The following SYNE1 variants were observed in gnomAD, a reference collection of about 807,000 sequenced individuals.
SYNE1 encodes nesprin-1.
Under a neutral mutation model 1,111.0 loss-of-function variants are expected in SYNE1, and 616 were observed. The ratio of observed to expected loss-of-function variants is 0.55; its 90% CI spans 0.52 to 0.59. The LOEUF is 0.59. Among genes scored for constraint, SYNE1 ranks in the 20% least tolerant of loss-of-function variants. SYNE1 has a pLI of 0.00. For missense variants in SYNE1, 10,006 were observed against 10,417.0 expected, an observed-to-expected ratio of 0.96 and a Z score of 1.72; for synonymous variants, 3,855 against 3,825.8, an observed-to-expected ratio of 1.01 and a Z score of -0.28.
chr6:152,233,450 G>A (rs543003734), intron 112 of SYNE1, among the ~76,000 whole-genome samples: 1 of 151,710 alleles, frequency 6.6e-6, no homozygotes, highest in African/African-American at 2.4e-5. Flanking sequence ...TCAGCCTCCC[G>A]AGTAGCTGGG....
Position 152,383,807 on chromosome 6 carries a change from A to G in SYNE1, c.8652+1867T>C, listed in dbSNP as rs538021123. On this transcript the variant is annotated intron_variant, in intron 55 of 145. Coordinates refer to ENST00000367255, the MANE Select transcript of SYNE1 (RefSeq NM_182961.4). The stretch of plus-strand genomic sequence containing the variant: ...CCTGAAATTCAGTCTTGAATTTACA[A>G]CTGCCCCCAAGACATTACTACTACC... Among the ~76,000 whole-genome samples the G allele has an allele frequency of 3.7e-4, 56 of 152,328 alleles. 1 individual carries two copies. The South Asian group carries it at 0.011, about 30-fold the overall frequency.
intron 51 of SYNE1, among the ~76,000 whole-genome samples, chr6:152,392,509 T>C (rs986759393): frequency 2.6e-5 from 4 of 152,156 alleles, no homozygotes; most frequent in African/African-American, 9.7e-5. Context: ...TAAACTATTG[T>C]GACTACTAGA....
At chr6:152,286,650 G>T (rs977175502) in intron 95 of SYNE1, among the ~76,000 whole-genome samples, 5 of 152,140 alleles carry the variant, frequency 3.3e-5, no homozygotes, top group Non-Finnish European at 7.4e-5. Flanking sequence ...CACTAGAGTT[G>T]TTCCTTTTCT....
intron 29 of SYNE1, among the ~76,000 whole-genome samples, chr6:152,446,931 T>A (rs1023887115): frequency 7.2e-5 from 11 of 152,208 alleles, no homozygotes; most frequent in African/African-American, 2.7e-4. Flanking sequence ...CTATTGAGCA[T>A]TTACTCTGTT....
Position 152,518,423 on chromosome 6 carries a change from G to C in SYNE1, c.309+2036C>G, listed in dbSNP as rs561857943. Among the ~76,000 whole-genome samples, 4 of 152,008 alleles carry C rather than the reference G, an allele frequency of 2.6e-5. No individual in the cohort carries two copies. In the East Asian group the frequency reaches 7.7e-4, roughly 29 times the overall value. On this transcript the variant is annotated intron_variant, in intron 6 of 145. Coordinates refer to ENST00000367255, the MANE Select transcript of SYNE1 (RefSeq NM_182961.4). ...TCTCGTAAGACGTGGTTGTTTAAAA[G>C]TGTGCAGCACCTCGCCCCTTGCTCT...
rs1339584957 is a variant in SYNE1, at chr6:152,125,167, T to C, written c.26154-2491A>G. The C allele has an allele frequency of 1.3e-5, 18 of 1,414,970 alleles. No homozygotes were observed. In the Admixed American group the frequency reaches 4.0e-4, roughly 31 times the overall value. The allele number at this position is 1,414,970 out of a possible 1,614,324, so 87.7% of individuals were successfully genotyped here. On this transcript the variant is annotated intron_variant, in intron 145 of 145. Transcript: ENST00000367255. ...AAGAGGCCTAGCAGGGACTCAGGCT[T>C]CCAAAATCCCTGCCCACCGCACTCT...
At chr6:152,621,289 AAAG>A (rs1373568231) in intron 3 of SYNE1, among the ~76,000 whole-genome samples, 6 of 152,236 alleles carry the variant, frequency 3.9e-5, no homozygotes, top group Non-Finnish European at 8.8e-5. Context: ...CAGGGAGGTC[AAAG>A]AAGTAATTTT....
At chr6:152,573,325 C>T (rs1376784270) in intron 3 of SYNE1, among the ~76,000 whole-genome samples, 29 of 126,026 alleles carry the variant, frequency 2.3e-4, no homozygotes, top group Non-Finnish European at 1.2e-4. Flanking sequence ...AATGCTATCC[C>T]CCCCCCTCCC....
rs539549948 is a variant in SYNE1 at position 152,329,802 on chromosome 6, C to T, written c.14883G>A (p.Ala4961=). 6.8e-6 allele frequency: 11 copies of T among 1,614,052 alleles called. No homozygotes were observed. The highest frequency in any genetic ancestry group is 2.7e-5 in the African/African-American group (2 of 74,926). The change falls in exon 78 of 146, where the codon GCG becomes GCA. Residue 4961 remains alanine (A), a synonymous_variant. Coordinates refer to ENST00000367255, the MANE Select transcript of SYNE1 (RefSeq NM_182961.4). ...GCTCAGCGAGGCTGTGTTCTAAATC[C>T]GCAGAAATCAGCTCCTTGGCCTTTG... The part of the protein sequence containing the change: ...KFTKAKELIS[A]DLEHSLAELS...
chr6:152,165,232 T>C (rs2063408691), intron 130 of SYNE1, among the ~76,000 whole-genome samples: 1 of 152,224 alleles, frequency 6.6e-6, no homozygotes, highest in Admixed American at 6.5e-5. Flanking sequence ...CAAGACACAC[T>C]GTTCCGAAGA....
chr6:152,323,528 T>C lies in SYNE1; in HGVS notation c.15867A>G (p.Glu5289=), dbSNP rs755219341. The part of the protein sequence containing the change: ...LQDGAAPTPG[E]EPPLMQEITA... ...TGATTTCCTGCATGAGCGGAGGCTC[T>C]TCCCCAGGGGTTGGGGCGGCTCCAT... The change falls in exon 82 of 146, where the codon GAA becomes GAG. Residue 5289 remains glutamate, a synonymous_variant. Transcript: ENST00000367255. 15 of 1,614,048 alleles carry C rather than the reference T, an allele frequency of 9.3e-6. No homozygotes were observed. The highest frequency in any genetic ancestry group is 1.3e-5 in the Non-Finnish European group (15 of 1,180,018).
At chr6:152,386,596 A>G (rs1230844629) in intron 54 of SYNE1, among the ~76,000 whole-genome samples, 1 of 152,196 alleles carries the variant, frequency 6.6e-6, no homozygotes, top group African/African-American at 2.4e-5. Flanking sequence ...GAGAATTGGA[A>G]AGATATTTTT....
intron 98 of SYNE1, among the ~76,000 whole-genome samples, chr6:152,276,876 C>A (rs1173993452): frequency 1.4e-5 from 2 of 145,332 alleles, no homozygotes; most frequent in Non-Finnish European, 3.0e-5. Context: ...AAACTCTGCA[C>A]TCTTTTTTTT....
chr6:152,479,786 G>A (rs933336007), intron 14 of SYNE1, among the ~76,000 whole-genome samples: 1 of 152,146 alleles, frequency 6.6e-6, no homozygotes, highest in Non-Finnish European at 1.5e-5. Context: ...GAATACATAA[G>A]TTCTTACACA....
At chr6:152,544,991 A>T (rs1217208740) in intron 3 of SYNE1, among the ~76,000 whole-genome samples, 1 of 152,232 alleles carries the variant, frequency 6.6e-6, no homozygotes, top group Non-Finnish European at 1.5e-5. Flanking sequence ...GGGTCCTATG[A>T]CCACTGCCTT....
At chr6:152,603,576 G>A (rs1374472657) in intron 3 of SYNE1, among the ~76,000 whole-genome samples, 1 of 151,918 alleles carries the variant, frequency 6.6e-6, no homozygotes, top group African/African-American at 2.4e-5. Flanking sequence ...GGGTTAGGTA[G>A]TTTGGCTGCA....
intron 3 of SYNE1, among the ~76,000 whole-genome samples, chr6:152,580,341 C>T (rs1313672032): frequency 1.3e-5 from 2 of 152,124 alleles, no homozygotes; most frequent in Admixed American, 1.3e-4. Flanking sequence ...TGTCCTTTGC[C>T]CATTTTTCAA....
chr6:152,406,936 A>G, intron 45 of SYNE1, 78 bp downstream of exon 45: 1 of 1,171,844 alleles, frequency 8.5e-7, no homozygotes, highest in Middle Eastern at 3.1e-4. Context: ...ATAAACTTTT[A>G]AGAAAGACTT....
rs1456946844 is a variant in SYNE1, at chr6:152,344,037, T to C, written c.12225+44A>G. ...ACTTCACACATTTTCACTGACGCTC[T>C]GAATGATTCACAAGAATAACACAAA... On this transcript the variant is annotated intron_variant, in intron 74 of 145. Transcript: ENST00000367255. 2.5e-6 allele frequency: 4 copies of C among 1,613,436 alleles called. No homozygotes were observed. In the South Asian group the frequency reaches 3.3e-5, roughly 13 times the overall value.
Sources: gnomAD v4.1 joint callset for allele counts (sites outside exome capture counted in the v4.1 genomes callset) on GRCh38, gnomAD v4.1.1 for gene constraint, MANE v1.5 for transcripts, NCBI Gene and HGNC (gene_info 2026-07-23, HGNC 2026-07-21) for gene names.